Variants in CLEC16A observed in about 807,000 individuals in gnomAD.
CLEC16A encodes C-type lectin domain containing 16A.
Under a neutral mutation model 109.5 loss-of-function variants are expected in CLEC16A, and 51 were observed. The observed-to-expected ratio is 0.47, with a 90% CI of 0.37 to 0.59. The LOEUF (loss-of-function observed/expected upper bound fraction) is 0.59, where lower values mean the gene tolerates loss of function less well. Among genes scored for constraint, CLEC16A ranks in the 20% least tolerant of loss-of-function variants. The pLI, the probability that CLEC16A is intolerant of heterozygous loss-of-function variation, is 0.00. For missense variants in CLEC16A, 1,339 were observed against 1,394.0 expected (o/e 0.96, Z 0.63); for synonymous variants, 673 against 564.2 (o/e 1.19, Z -2.73).
chr16:11,087,219 C>T (rs901210160), intron 19 of CLEC16A, among the ~76,000 whole-genome samples: 2 of 152,086 alleles, frequency 1.3e-5, no homozygotes, highest in African/African-American at 4.8e-5. Context: ...ACCCCCATCC[C>T]CCACCTGCTG....
chr16:10,978,533 A>G (rs1306055803), intron 8 of CLEC16A, among the ~76,000 whole-genome samples: 1 of 152,182 alleles, frequency 6.6e-6, no homozygotes, highest in Non-Finnish European at 1.5e-5. Flanking sequence ...CGGCCTCCCA[A>G]AGTGCTGGGA....
chr16:11,151,898 T>G (rs1487964590), intron 22 of CLEC16A, among the ~76,000 whole-genome samples: 1 of 152,190 alleles, frequency 6.6e-6, no homozygotes, highest in Non-Finnish European at 1.5e-5. Flanking sequence ...TTTAGGGTAG[T>G]TCTGAGAGCT....
At chr16:11,161,987 A>T (rs1019803159) in intron 22 of CLEC16A, among the ~76,000 whole-genome samples, 6 of 152,230 alleles carry the variant, frequency 3.9e-5, no homozygotes, top group African/African-American at 1.4e-4. Context: ...GGAGGGGGGC[A>T]TGTCCAAGGT....
chr16:11,086,705 G>T (rs1167407069), intron 19 of CLEC16A, among the ~76,000 whole-genome samples: 1 of 152,074 alleles, frequency 6.6e-6, no homozygotes, highest in Non-Finnish European at 1.5e-5. Context: ...ACCATGCCTG[G>T]CTAATTTTTA....
intron 23 of CLEC16A, among the ~76,000 whole-genome samples, chr16:11,175,015 C>G (rs2068690240): frequency 6.6e-6 from 1 of 152,246 alleles, no homozygotes; most frequent in South Asian, 2.1e-4. Flanking sequence ...GAGCCTTTGC[C>G]TTCTTTTGTG....
chr16:11,149,568 G>C (rs147554551), intron 22 of CLEC16A, among the ~76,000 whole-genome samples: 16 of 152,244 alleles, frequency 1.1e-4, no homozygotes, highest in African/African-American at 2.6e-4. Flanking sequence ...GAGGCAGGCA[G>C]ATTGCCTGAG....
chr16:10,957,792 C>A lies in CLEC16A; in HGVS notation c.91C>A (p.His31Asn). 6.2e-7 allele frequency: 1 copy of A among 1,613,822 alleles called. No homozygotes were observed. Among genetic ancestry groups the A allele is most frequent in the Non-Finnish European group, 8.5e-7 (1 of 1,179,820 alleles). ...TCTCATTTCTCTCAGGTATCTGTACCACGTTTTGACCAAAAACACCACAGT... is the reference window on the plus strand; with the variant it reads ...TCTCATTTCTCTCAGGTATCTGTACAACGTTTTGACCAAAAACACCACAGT... ...HSLDHLKYLY[H>N]VLTKNTTVTE... Residue 31 changes from histidine to asparagine, a missense_variant, in exon 2 of 24, where the codon CAC (histidine) becomes AAC (asparagine). Physicochemically the swap from His to Asn is moderately conservative, Grantham distance 68. Coordinates refer to ENST00000409790, the MANE Select transcript of CLEC16A (RefSeq NM_015226.3).
intron 19 of CLEC16A, among the ~76,000 whole-genome samples, chr16:11,088,364 G>T (rs1443388947): frequency 6.6e-6 from 1 of 152,196 alleles, no homozygotes; most frequent in Non-Finnish European, 1.5e-5. Context: ...CCACACCAGG[G>T]TATCTGAAAT....
intron 22 of CLEC16A, among the ~76,000 whole-genome samples, chr16:11,153,027 A>G (rs1162195809): frequency 6.6e-6 from 1 of 152,170 alleles, no homozygotes; most frequent in African/African-American, 2.4e-5. Context: ...AGCATTGTCC[A>G]TTGTGTCTTG....
intron 13 of CLEC16A, among the ~76,000 whole-genome samples, chr16:11,039,262 G>A (rs893500944): frequency 6.6e-6 from 1 of 152,066 alleles, no homozygotes; most frequent in African/African-American, 2.4e-5. Flanking sequence ...ATCAGGTCTT[G>A]GGCCACCATG....
chr16:11,088,932 C>T (rs1322744993), intron 19 of CLEC16A, among the ~76,000 whole-genome samples: 1 of 152,196 alleles, frequency 6.6e-6, no homozygotes, highest in African/African-American at 2.4e-5. Flanking sequence ...TCAAACAGTG[C>T]AGTTTGTAGA....
chr16:11,024,675 C>CG (rs1454315426), intron 12 of CLEC16A, 146 bp from the exon 13 acceptor site: 4 of 603,256 alleles, frequency 6.6e-6, no homozygotes, highest in Non-Finnish European at 9.0e-6. Flanking sequence ...TTGTCTGTGT[C>CG]CTCAGTGCGT....
chr16:11,124,411 AC>A (rs1164257099), intron 21 of CLEC16A, among the ~76,000 whole-genome samples: 1 of 151,962 alleles, frequency 6.6e-6, no homozygotes, highest in East Asian at 1.9e-4. Context: ...CTGTAAACTT[AC>A]CCCTTCCTCC....
At chr16:11,014,795 G>C (rs1302008898) in intron 11 of CLEC16A, among the ~76,000 whole-genome samples, 2 of 152,194 alleles carry the variant, frequency 1.3e-5, no homozygotes, top group African/African-American at 4.8e-5. Flanking sequence ...CCGCACCTTG[G>C]GAGGGAGGCT....
chr16:10,962,344 C>G, intron 2 of CLEC16A, 111 bp from the exon 3 acceptor site: 2 of 1,331,278 alleles, frequency 1.5e-6, no homozygotes, highest in Admixed American at 1.7e-5. Context: ...TGTGCAGATA[C>G]CTTGGGGGAG....
At chr16:11,025,313 GTTC>G (rs1382466298) in intron 13 of CLEC16A, among the ~76,000 whole-genome samples, 1 of 152,182 alleles carries the variant, frequency 6.6e-6, no homozygotes, top group African/African-American at 2.4e-5. Flanking sequence ...AACACTTGGT[GTTC>G]TTATTCTGTG....
chr16:10,949,393 G>A (rs548623120), intron 1 of CLEC16A, among the ~76,000 whole-genome samples: 1 of 152,264 alleles, frequency 6.6e-6, no homozygotes, highest in East Asian at 1.9e-4. Context: ...GGCAGACGCT[G>A]TTTAAATGGA....
rs530502185 is a variant in CLEC16A at position 10,970,705 on chromosome 16, A to G, written c.493-420A>G. Among the ~76,000 whole-genome samples the G allele has an allele frequency of 3.3e-5, 5 of 152,310 alleles. No individual in the cohort carries two copies. In the East Asian group the frequency reaches 7.7e-4, roughly 23 times the overall value. ...GGGCATGAGCCACCACTCCCAGCCA[A>G]TCAATCAGTGATTACTACTACTACC... is the stretch of plus-strand genomic sequence containing the variant. On this transcript the variant is annotated intron_variant, in intron 4 of 23. Transcript: ENST00000409790.
At chr16:11,043,645 A>G (rs1018714263) in intron 15 of CLEC16A, among the ~76,000 whole-genome samples, 6 of 152,148 alleles carry the variant, frequency 3.9e-5, no homozygotes, top group African/African-American at 1.4e-4. Context: ...CGGGCAGATC[A>G]CCTGAGGTCA....
Sources: allele counts gnomAD v4.1 joint callset (sites outside exome capture counted in the v4.1 genomes callset), GRCh38; gene constraint gnomAD v4.1.1; transcripts MANE v1.5; gene names NCBI Gene and HGNC (gene_info 2026-07-23, HGNC 2026-07-21).